ZGRF1: variants seen among roughly 807,000 people sequenced by gnomAD.
ZGRF1 encodes the protein 5'-3' DNA helicase ZGRF1.
ZGRF1 carries 196 observed loss-of-function variants against 203.5 expected under a neutral mutation model. The observed-to-expected ratio is 0.96, with a 90% CI of 0.86 to 1.08. The LOEUF (loss-of-function observed/expected upper bound fraction) is 1.08, where lower values mean the gene tolerates loss of function less well. Among genes scored for constraint, ZGRF1 ranks in the 50% least tolerant of loss-of-function variants. ZGRF1 has a pLI of 0.00. For synonymous variants in ZGRF1, 809 were observed against 841.3 expected (o/e 0.96, Z 0.66); for missense variants, 2,326 against 2,416.3 (o/e 0.96, Z 0.78).
intron 10 of ZGRF1, among the ~76,000 whole-genome samples, chr4:112,595,746 G>A (rs1748893880): frequency 6.6e-6 from 1 of 152,092 alleles, no homozygotes; most frequent in African/African-American, 2.4e-5. Context: ...TACTGAACTG[G>A]TTGAAATAGT....
At chr4:112,616,791 C>T (rs1032527649) in intron 6 of ZGRF1, among the ~76,000 whole-genome samples, 5 of 150,496 alleles carry the variant, frequency 3.3e-5, no homozygotes, top group African/African-American at 9.8e-5. Context: ...GAGCCGAGAT[C>T]GCGCCACTGC....
intron 10 of ZGRF1, among the ~76,000 whole-genome samples, chr4:112,596,816 C>T (rs1749097855): frequency 1.3e-5 from 2 of 152,116 alleles, no homozygotes; most frequent in Non-Finnish European, 2.9e-5. Flanking sequence ...TGGTCTCGAA[C>T]TCCTGAGCTC....
intron 16 of ZGRF1, chr4:112,564,949 C>A (rs1017576230): frequency 2.5e-6 from 2 of 795,080 alleles, no homozygotes; most frequent in Non-Finnish European, 4.5e-6. Context: ...CAAGCTCCAG[C>A]CGAAGGAGAA....
intron 12 of ZGRF1, 81 bp downstream of exon 12, chr4:112,587,199 G>T: frequency 7.4e-7 from 1 of 1,349,786 alleles, no homozygotes; most frequent in Non-Finnish European, 1.0e-6. Context: ...CTCCTATGCA[G>T]TATATTTTGG....
At chr4:112,574,241 C>T (rs1288450320) in intron 16 of ZGRF1, among the ~76,000 whole-genome samples, 1 of 152,128 alleles carries the variant, frequency 6.6e-6, no homozygotes, top group Non-Finnish European at 1.5e-5. Flanking sequence ...AAACAATAAA[C>T]TATAGCATGT....
intron 20 of ZGRF1, among the ~76,000 whole-genome samples, chr4:112,557,683 G>T (rs1463308412): frequency 6.6e-6 from 1 of 152,180 alleles, no homozygotes; most frequent in Non-Finnish European, 1.5e-5. Context: ...ACTGAGGCTG[G>T]GGATCCATTA....
chr4:112,608,266 G>A (rs1434460580), intron 8 of ZGRF1, among the ~76,000 whole-genome samples: 2 of 152,056 alleles, frequency 1.3e-5, no homozygotes, highest in African/African-American at 2.4e-5. Context: ...CATTCTAAGC[G>A]AAAAAATAAT....
intron 15 of ZGRF1, among the ~76,000 whole-genome samples, chr4:112,583,767 T>C (rs1746681714): frequency 6.6e-6 from 1 of 151,976 alleles, no homozygotes; most frequent in South Asian, 2.1e-4. Context: ...ATCACACCAC[T>C]GCACTCCAGC....
intron 16 of ZGRF1, among the ~76,000 whole-genome samples, chr4:112,571,872 G>A (rs943335709): frequency 6.6e-6 from 1 of 152,094 alleles, no homozygotes; most frequent in Non-Finnish European, 1.5e-5. Flanking sequence ...TTTGATATTT[G>A]GATTTATGAA....
At position 112,618,335 on chromosome 4, in the gene ZGRF1, A is replaced by G. The variant is rs2046954077; in HGVS notation, c.1707T>C (p.Asn569=). 1 of 1,613,858 alleles carries G rather than the reference A, an allele frequency of 6.2e-7. No homozygotes were observed. Reference sequence around the variant, plus strand: ...TCTCAGACCTCTTTTGAAAACATGAATTGCCATCATTAACCAAAATGTCCT... The same window carrying G: ...TCTCAGACCTCTTTTGAAAACATGAGTTGCCATCATTAACCAAAATGTCCT... ...WVKDILVNDG[N]SCFQKRSENT... is the part of the protein sequence containing the mutation. Residue 569 remains asparagine, a synonymous_variant, in exon 6 of 28, where the codon AAT becomes AAC. Transcript: ENST00000505019.
At chr4:112,542,589 T>A (rs1737856199) in intron 24 of ZGRF1, among the ~76,000 whole-genome samples, 1 of 151,980 alleles carries the variant, frequency 6.6e-6, no homozygotes, top group Non-Finnish European at 1.5e-5. Flanking sequence ...TTACAGATGT[T>A]TTTGTTTTGT....
intron 10 of ZGRF1, among the ~76,000 whole-genome samples, chr4:112,591,134 T>G (rs752077138): frequency 8.5e-5 from 13 of 152,144 alleles, no homozygotes; most frequent in Non-Finnish European, 1.8e-4. Context: ...AAAAATAGTT[T>G]TATTATATTT....
chr4:112,592,347 C>T (rs961516489), intron 10 of ZGRF1, among the ~76,000 whole-genome samples: 5 of 152,104 alleles, frequency 3.3e-5, no homozygotes, highest in African/African-American at 9.7e-5. Context: ...ATCCACCTGA[C>T]TCGGCCTCCC....
At chr4:112,589,952 C>A in intron 10 of ZGRF1, 78 bp from the exon 11 acceptor site, 1 of 1,025,150 alleles carries the variant, frequency 9.8e-7, no homozygotes, top group Non-Finnish European at 1.4e-6. Flanking sequence ...TTCTAGTAAT[C>A]TATATTATAA....
chr4:112,592,684 A>G (rs1748378998), intron 10 of ZGRF1, among the ~76,000 whole-genome samples: 1 of 151,968 alleles, frequency 6.6e-6, no homozygotes, highest in Non-Finnish European at 1.5e-5. Context: ...TCTAAATCAG[A>G]CTCATGTACT....
rs1460385055 is a variant in ZGRF1, at chr4:112,562,242, T to A, written c.4697+129A>T. ...CTTTTTAACCACTGACAGAGAATAATGTCATAGTCTGAAAAATAATTACAA... is the reference window on the plus strand; with the variant it reads ...CTTTTTAACCACTGACAGAGAATAAAGTCATAGTCTGAAAAATAATTACAA... On this transcript the variant is annotated intron_variant, in intron 18 of 27. Coordinates refer to ENST00000505019, the MANE Select transcript of ZGRF1 (RefSeq NM_018392.5). 4.8e-6 allele frequency: 3 copies of A among 621,496 alleles called. No individual in the cohort carries two copies. The African/African-American group carries it at 5.5e-5, about 11-fold the overall frequency. 38.5% of individuals were successfully genotyped at this position (621,496 alleles called of 1,614,324 possible).
At chr4:112,573,466 G>A (rs79770484) in intron 16 of ZGRF1, among the ~76,000 whole-genome samples, 142 of 152,174 alleles carry the variant, frequency 9.3e-4, no homozygotes, top group African/African-American at 3.2e-3. Flanking sequence ...ATACTGATCA[G>A]GTGATAGGTG....
intron 12 of ZGRF1, 37 bp downstream of exon 12, chr4:112,587,243 T>A (rs1265238626): frequency 1.3e-6 from 2 of 1,538,678 alleles, no homozygotes; most frequent in Admixed American, 4.0e-5. Flanking sequence ...CAATAACTAT[T>A]GGAAAAATGC....
At position 112,617,422 on chromosome 4, in the gene ZGRF1, T is replaced by C. The variant is rs777979760; in HGVS notation, c.2602+18A>G. 3.3e-6 allele frequency: 5 copies of C among 1,505,534 alleles called. No individual in the cohort carries two copies. The highest frequency in any genetic ancestry group is 1.4e-5 in the African/African-American group (1 of 71,426). 93.3% of individuals were successfully genotyped at this position (1,505,534 alleles called of 1,614,324 possible). ...GACCTATAAAGAAAACATTCCAAAA[T>C]AGACATGCAATTCTAACCTTCAGGA... On this transcript the variant is annotated intron_variant, in intron 6 of 27. Coordinates refer to ENST00000505019, the MANE Select transcript of ZGRF1 (RefSeq NM_018392.5).
Sources: gnomAD v4.1 joint callset for allele counts (sites outside exome capture counted in the v4.1 genomes callset) on GRCh38, gnomAD v4.1.1 for gene constraint, MANE v1.5 for transcripts, NCBI Gene and HGNC (gene_info 2026-07-23, HGNC 2026-07-21) for gene names.